Variants in TUBGCP2 observed in about 807,000 individuals in gnomAD.
TUBGCP2 encodes gamma-tubulin complex component 2.
In TUBGCP2, 55 loss-of-function variants were observed where a neutral mutation model predicts 92.2. That is an observed-to-expected ratio of 0.60 (90% confidence interval 0.48 to 0.75). TUBGCP2 has a LOEUF of 0.75. Ranked by LOEUF, TUBGCP2 falls within the 30% of genes least tolerant of loss-of-function variation. The pLI is 0.00. For synonymous variants in TUBGCP2, 533 were observed against 505.2 expected (o/e 1.06, Z -0.74); for missense variants, 1,093 against 1,188.9 (o/e 0.92, Z 1.19).
intron 5 of TUBGCP2, chr10:133,297,521 C>T (rs1191454184): frequency 2.0e-5 from 8 of 394,876 alleles, no homozygotes; most frequent in Non-Finnish European, 2.9e-5. Flanking sequence ...CTTGTTTACA[C>T]GAACACTACT....
intron 17 of TUBGCP2, among the ~76,000 whole-genome samples, chr10:133,280,206 T>C (rs997036015): frequency 6.6e-6 from 1 of 152,200 alleles, no homozygotes; most frequent in African/African-American, 2.4e-5. Flanking sequence ...TCCTGTTCAG[T>C]CCTGCTCAAA....
Position 133,298,110 on chromosome 10 carries a change from G to C in TUBGCP2, c.458C>G (p.Ser153Cys). Residue 153 changes from serine (S) to cysteine (C), a missense_variant and splice_region_variant, in exon 5 of 18, where the codon TCT (serine) becomes TGT (cysteine). By Grantham distance (112) the Ser-to-Cys change is moderately radical (BLOSUM62 -1). Around this residue, in one of 3 missense-constraint regions of TUBGCP2, gnomAD observed 490 missense variants for 488.5 expected, o/e 1.00. Transcript: ENST00000252936. The part of the protein sequence containing the change: ...SVATGSTLQQ[S>C]LELKRKMLRD... ...AAGCATCTTTCTTTTAAGTTCCAGAGACTAGCAAGGACATTTTAAAAAACA... is the reference window on the plus strand; with the variant it reads ...AAGCATCTTTCTTTTAAGTTCCAGACACTAGCAAGGACATTTTAAAAAACA... 6.2e-7 allele frequency: 1 copy of C among 1,610,746 alleles called. No homozygotes were observed. The highest frequency in any genetic ancestry group is 8.5e-7 in the Non-Finnish European group (1 of 1,178,192).
Position 133,292,558 on chromosome 10 carries a change from A to G in TUBGCP2, c.1155T>C (p.Ala385=), listed in dbSNP as rs1847381972. The G allele has an allele frequency of 6.2e-7, 1 of 1,614,050 alleles. No homozygotes were observed. Among genetic ancestry groups the G allele is most frequent in the Non-Finnish European group, 8.5e-7 (1 of 1,180,010 alleles). Residue 385 remains alanine (A), a synonymous_variant, in exon 8 of 18, where the codon GCT becomes GCC. Coordinates refer to ENST00000252936, the MANE Select transcript of TUBGCP2 (RefSeq NM_006659.4). ...LCLYLTKAAS[A]PYFEVLEKWI... ...ACTTCTCCAGAACCTCGAAGTAGGG[A>G]GCACTGGCCGCCTTGGTTAGGTACA...
intron 10 of TUBGCP2, 115 bp from the exon 11 acceptor site, chr10:133,288,424 G>T (rs1042104105): frequency 7.5e-6 from 10 of 1,334,558 alleles, no homozygotes; most frequent in Non-Finnish European, 1.0e-5. Context: ...GGGAGCAGGC[G>T]TGAGCACGTG....
rs779593336 is a variant in TUBGCP2, at chr10:133,285,489, A to T, written c.1862T>A (p.Ile621Asn). 4.3e-6 allele frequency: 7 copies of T among 1,612,856 alleles called. No individual in the cohort carries two copies. Among genetic ancestry groups the T allele is most frequent in the Non-Finnish European group, 4.2e-6 (5 of 1,179,272 alleles). The change falls in exon 12 of 18, where the codon ATC (isoleucine) becomes AAC (asparagine). Residue 621 changes from isoleucine to asparagine, a missense_variant. This residue lies in a region of TUBGCP2 where 598 missense variants were observed against 675.5 expected (regional missense o/e 0.89). Coordinates refer to ENST00000252936, the MANE Select transcript of TUBGCP2 (RefSeq NM_006659.4). This position sits in a 1 kb window ranked among gnomAD's most constrained non-coding sequence, Gnocchi z 6.8. ...SGLEAFSFDY[I>N]VKWPLSLIIN... ...GATGAGCGAAAGGGGCCACTTGACG[A>T]TGTAGTCGAAAGAGAAGGCCTCCAG...
At position 133,293,193 on chromosome 10, in the gene TUBGCP2, G is replaced by T. The variant is rs376929690; in HGVS notation, c.870C>A (p.His290Gln). The T allele has an allele frequency of 8.1e-6, 13 of 1,613,748 alleles. No individual in the cohort carries two copies. Among genetic ancestry groups the T allele is most frequent in the Non-Finnish European group, 1.1e-5 (13 of 1,180,060 alleles). ...GGGTGCGCATGGCGGCCGCCAGGGC[G>T]TGGTTCACCTGCCCGTACTCGAAGG... The part of the protein sequence containing the change: ...KSSFEYGQVN[H>Q]ALAAAMRTLV... The change falls in exon 7 of 18, where the codon CAC (histidine) becomes CAA (glutamine). Residue 290 changes from histidine (H) to glutamine (Q), a missense_variant. This residue lies in a region of TUBGCP2 where 490 missense variants were observed against 488.5 expected (regional missense o/e 1.00). Coordinates refer to ENST00000252936, the MANE Select transcript of TUBGCP2 (RefSeq NM_006659.4).
In TUBGCP2 at chr10:133,281,349, G is replaced by A. The variant is rs1463897214; in HGVS notation, c.2497C>T (p.Leu833=). Residue 833 remains leucine, a synonymous_variant, in exon 17 of 18, where the codon CTG becomes TTG. Coordinates refer to ENST00000252936, the MANE Select transcript of TUBGCP2 (RefSeq NM_006659.4). ...NKFDKNFSAH[L]LDLLARLSIY... is the part of the protein sequence containing the mutation. ...CTCAGCCGGGCCAGGAGGTCCAGCA[G>A]GTGGGCTGAGAAGTTCTTGTCAAAC... 2 of 1,613,850 alleles carry A rather than the reference G, an allele frequency of 1.2e-6. No homozygotes were observed. Among genetic ancestry groups the A allele is most frequent in the Admixed American group, 1.7e-5 (1 of 60,022 alleles).
At chr10:133,297,818 C>T (rs1847525096) in intron 5 of TUBGCP2, 134 bp downstream of exon 5, 21 of 1,359,562 alleles carry the variant, frequency 1.5e-5, no homozygotes, top group South Asian at 1.0e-4. Context: ...AAGGCAGGCC[C>T]GGGGGAGGGC....
chr10:133,291,425 A>G (rs112635586), intron 8 of TUBGCP2, among the ~76,000 whole-genome samples: 9 of 52 alleles, frequency 0.17, 3 homozygotes, highest in African/African-American at 0.5. Context: ...GGCAGCATGC[A>G]CCGTCCGTGT....
chr10:133,286,466 C>T lies in TUBGCP2; in HGVS notation c.1723-838G>A, dbSNP rs569665010. Among the ~76,000 whole-genome samples the T allele has an allele frequency of 3.2e-4, 48 of 152,336 alleles. 1 individual carries two copies. The highest frequency in any genetic ancestry group is 1.0e-3 in the South Asian group (5 of 4,822). On this transcript the variant is annotated intron_variant, in intron 11 of 17. Coordinates refer to ENST00000252936, the MANE Select transcript of TUBGCP2 (RefSeq NM_006659.4). ...TCTTCAGTGACAGGGAGACTCGGTGCCCTACTTCTAACCACGGAGAGAACC... is the reference window on the plus strand; with the variant it reads ...TCTTCAGTGACAGGGAGACTCGGTGTCCTACTTCTAACCACGGAGAGAACC...
rs759227976 is a variant in TUBGCP2 at position 133,281,284 on chromosome 10, G to A, written c.2562C>T (p.Ser854=). ...TGGCGCCCACCCACCTGGAGATGAC[G>A]CTGGCCATGCCGTGCTCACAGTCAC... ...STSDCEHGMA[S]VISRLDFNGF... Residue 854 remains serine (S), a synonymous_variant, in exon 17 of 18, where the codon AGC becomes AGT. Transcript: ENST00000252936. The A allele has an allele frequency of 8.0e-5, 129 of 1,611,246 alleles. No individual in the cohort carries two copies. Among genetic ancestry groups the A allele is most frequent in the African/African-American group, 1.1e-4 (8 of 75,002 alleles).
chr10:133,311,611 G>A (rs573732379), upstream of TUBGCP2: 2 of 966,452 alleles, frequency 2.1e-6, no homozygotes, highest in Non-Finnish European at 3.1e-6. Context: ...AAGAAAATAT[G>A]CTACTTACAG....
chr10:133,299,649 T>G, intron 3 of TUBGCP2, 46 bp from the exon 4 acceptor site: 2 of 1,517,406 alleles, frequency 1.3e-6, no homozygotes, highest in Non-Finnish European at 1.8e-6. Context: ...CAGCACCTCT[T>G]TGGCCATAGG....
At chr10:133,283,343 G>T in intron 14 of TUBGCP2, 122 bp from the exon 15 acceptor site, 1 of 1,391,038 alleles carries the variant, frequency 7.2e-7, no homozygotes, top group Non-Finnish European at 9.7e-7. Context: ...TCTTAAATGG[G>T]CCTTGGGCTT....
At position 133,285,387 on chromosome 10, in the gene TUBGCP2, G is replaced by T; in HGVS notation, c.1895+69C>A. 1 of 1,606,678 alleles carries T rather than the reference G, an allele frequency of 6.2e-7. No individual in the cohort carries two copies. Among genetic ancestry groups the T allele is most frequent in the Non-Finnish European group, 8.5e-7 (1 of 1,177,380 alleles). On this transcript the variant is annotated intron_variant, in intron 12 of 17. Coordinates refer to ENST00000252936, the MANE Select transcript of TUBGCP2 (RefSeq NM_006659.4). The surrounding 1 kb of genome is among the most constrained non-coding windows in gnomAD (Gnocchi z 6.8). ...CTCTGTGGGACGAGGTGGCCACCGC[G>T]TGGCACAGTTCTCGCTTCTGCCAAA...
chr10:133,300,193 A>T lies in TUBGCP2; in HGVS notation c.151-80T>A. The T allele has an allele frequency of 2.0e-6, 3 of 1,512,684 alleles. No homozygotes were observed. In the South Asian group the frequency reaches 3.7e-5, roughly 19 times the overall value. 93.7% of individuals were successfully genotyped at this position (1,512,684 alleles called of 1,614,324 possible). The stretch of plus-strand genomic sequence containing the variant: ...AAAAAAACCTTTACGAAAATTGAAC[A>T]CAATAAGCCAATGGAATTAAATTGG... On this transcript the variant is annotated intron_variant, in intron 2 of 17. Transcript: ENST00000252936.
chr10:133,278,954 TG>T lies in TUBGCP2; in HGVS notation c.*811del, dbSNP rs1846891886. Reference sequence around the variant, plus strand: ...AGAATGTAACCAGAGCAGACCAACCTGGCCGGGCAGCCCTGAGGCTCCCAGG... The same window carrying T: ...AGAATGTAACCAGAGCAGACCAACCTGCCGGGCAGCCCTGAGGCTCCCAGG... On this transcript the variant is annotated 3_prime_UTR_variant, in exon 18 of 18. Coordinates refer to ENST00000252936, the MANE Select transcript of TUBGCP2 (RefSeq NM_006659.4). The T allele has an allele frequency of 6.6e-6, 1 of 152,350 alleles. No homozygotes were observed. The highest frequency in any genetic ancestry group is 1.5e-5 in the Non-Finnish European group (1 of 68,142). The allele number at this position is 152,350 out of a possible 1,614,324, so 9.4% of individuals were successfully genotyped here.
At chr10:133,300,181 C>G (rs187364830) in intron 2 of TUBGCP2, 68 bp from the exon 3 acceptor site, 7 of 1,560,980 alleles carry the variant, frequency 4.5e-6, no homozygotes, top group Admixed American at 4.0e-5. Context: ...AAAACCTTTA[C>G]GAAAATTGAA....
Position 133,279,813 on chromosome 10 carries a change from G to A in TUBGCP2, c.2662C>T (p.Arg888Trp), listed in dbSNP as rs767044506. The A allele has an allele frequency of 1.3e-5, 20 of 1,582,868 alleles. No individual in the cohort carries two copies. The African/African-American group carries it at 1.4e-4, about 11-fold the overall frequency. ...QKATPQVPVL[R>W]GPPAPAPRVA... ...CTGGGTGCAGGAGCCGGGGGCCCCC[G>A]CAGGACAGGCACTTGGGGGGTGGCC... Residue 888 changes from arginine (R) to tryptophan (W), a missense_variant, in exon 18 of 18, where the codon CGG becomes TGG. This residue lies in a region of TUBGCP2 where 598 missense variants were observed against 675.5 expected (regional missense o/e 0.89). Coordinates refer to ENST00000252936, the MANE Select transcript of TUBGCP2 (RefSeq NM_006659.4).
Sources: gnomAD v4.1 joint callset for allele counts (sites outside exome capture counted in the v4.1 genomes callset) on GRCh38, gnomAD v4.1.1 for gene constraint, gnomAD v4.1.1 regional missense constraint, Gnocchi (gnomAD v3.1) non-coding constraint, MANE v1.5 for transcripts, NCBI Gene and HGNC (gene_info 2026-07-23, HGNC 2026-07-21) for gene names.